Variants in C2orf15 observed in about 807,000 individuals in gnomAD.
C2orf15 encodes the protein uncharacterized protein C2orf15.
In C2orf15, 3 loss-of-function variants were observed where a neutral mutation model predicts 4.4. That is an observed-to-expected ratio of 0.67 (90% CI 0.31 to 1.74). C2orf15 has a LOEUF of 1.74. C2orf15 is among the 40% of genes most tolerant of loss of function. C2orf15 has a pLI of 0.09. For synonymous variants in C2orf15, 37 were observed against 36.8 expected (o/e 1.00, Z -0.02); for missense variants, 90 against 103.3 (o/e 0.87, Z 0.56).
chr2:99,144,891 G>A (rs1192276943), intron 2 of C2orf15, among the ~76,000 whole-genome samples: 1 of 152,194 alleles, frequency 6.6e-6, no homozygotes, highest in East Asian at 1.9e-4. Context: ...ACAGCAATGG[G>A]GTGATAGGTC....
At chr2:99,143,785 T>C (rs1244873859) in intron 2 of C2orf15, among the ~76,000 whole-genome samples, 1 of 152,160 alleles carries the variant, frequency 6.6e-6, no homozygotes, top group African/African-American at 2.4e-5. Flanking sequence ...CTAAGCCTTA[T>C]ATAGTACCCT....
In C2orf15 at chr2:99,151,370, G is replaced by A. The variant is rs2931530; in HGVS notation, c.*536G>A. 2.0e-5 allele frequency: 3 copies of A among 149,416 alleles called. No homozygotes were observed. Among genetic ancestry groups the A allele is most frequent in the African/African-American group, 4.9e-5 (2 of 40,450 alleles). 9.3% of individuals were successfully genotyped at this position (149,416 alleles called of 1,614,324 possible). ...CCCAGCTACCTGGGAGGCTGAGGAA[G>A]GAGAATCGCTTGAACCCTGGAGGCG... On this transcript the variant is annotated 3_prime_UTR_variant, in exon 4 of 4. Transcript: ENST00000650052.
chr2:99,148,881 C>T (rs1206106907), intron 3 of C2orf15, among the ~76,000 whole-genome samples: 2 of 151,064 alleles, frequency 1.3e-5, no homozygotes, highest in Non-Finnish European at 2.9e-5. Context: ...GATGTTTGCA[C>T]AAAAATGTAA....
intron 3 of C2orf15, among the ~76,000 whole-genome samples, chr2:99,148,793 A>G (rs527454544): frequency 6.6e-6 from 1 of 152,196 alleles, no homozygotes; most frequent in African/African-American, 2.4e-5. Context: ...CAACATGGGG[A>G]AACCCCGTCT....
At chr2:99,148,127 A>G (rs904216708) in intron 3 of C2orf15, 1 of 152,136 alleles carries the variant, frequency 6.6e-6, no homozygotes, top group Non-Finnish European at 1.5e-5. Flanking sequence ...CTTTCATAAC[A>G]TTGACATTTT....
chr2:99,142,969 T>C (rs1336753680), intron 2 of C2orf15, among the ~76,000 whole-genome samples: 1 of 152,020 alleles, frequency 6.6e-6, no homozygotes, highest in Non-Finnish European at 1.5e-5. Context: ...TTGGAAAGAA[T>C]ATAAGGAAAT....
At chr2:99,149,373 C>G (rs1223306076) in intron 3 of C2orf15, among the ~76,000 whole-genome samples, 2 of 151,880 alleles carry the variant, frequency 1.3e-5, no homozygotes, top group Non-Finnish European at 2.9e-5. Flanking sequence ...TCTTTGAAAG[C>G]GAAACCCTAA....
At position 99,142,293 on chromosome 2, in the gene C2orf15, GACACTAGGTTTTT is replaced by G. The variant is rs2093575327; in HGVS notation, c.-273_-261del. On this transcript the variant is annotated 5_prime_UTR_variant, in exon 2 of 4. Coordinates refer to ENST00000650052, the MANE Select transcript of C2orf15 (RefSeq NM_144706.4). ...ATCTCCTTTTCCTGCAGATGACATA[GACACTAGGTTTTT>G]ACAGCAATTCTCTGATGACCTTGAT... The G allele has an allele frequency of 6.6e-6, 1 of 152,182 alleles. No individual in the cohort carries two copies. The highest frequency in any genetic ancestry group is 2.4e-5 in the African/African-American group (1 of 41,436). 9.4% of individuals were successfully genotyped at this position (152,182 alleles called of 1,614,324 possible). A position where few individuals can be genotyped will look rare whatever the true frequency, so the allele number is the denominator to read the frequency against.
intron 3 of C2orf15, among the ~76,000 whole-genome samples, chr2:99,150,177 T>G (rs995428412): frequency 2.0e-5 from 3 of 152,206 alleles, no homozygotes; most frequent in Non-Finnish European, 4.4e-5. Flanking sequence ...CGTTATTTCT[T>G]TAGCCCATTA....
At position 99,150,479 on chromosome 2, in the gene C2orf15, TCAGTAATCAAG is replaced by T; in HGVS notation, c.-76-3_-69del. ...TCACTTGTTACTTTTTTTTTTTTTTTCAGTAATCAAGTTGAAGAAACACTTCCACTACTTAA... is the reference window on the plus strand; with the variant it reads ...TCACTTGTTACTTTTTTTTTTTTTTTTTGAAGAAACACTTCCACTACTTAA... On this transcript the variant is annotated splice_acceptor_variant and splice_polypyrimidine_tract_variant and 5_prime_UTR_variant and intron_variant, in exon 4 of 4. Transcript: ENST00000650052. LOFTEE classifies it low-confidence loss of function (5UTR_SPLICE). The T allele has an allele frequency of 6.8e-7, 1 of 1,463,162 alleles. No homozygotes were observed. The highest frequency in any genetic ancestry group is 9.2e-7 in the Non-Finnish European group (1 of 1,083,538). The allele number at this position is 1,463,162 out of a possible 1,614,324, so 90.6% of individuals were successfully genotyped here. A position where few individuals can be genotyped will look rare whatever the true frequency, so the allele number is the denominator to read the frequency against.
intron 2 of C2orf15, among the ~76,000 whole-genome samples, chr2:99,145,507 T>C (rs1446490572): frequency 6.6e-6 from 1 of 150,884 alleles, no homozygotes; most frequent in East Asian, 1.9e-4. Context: ...GCAGTCACCC[T>C]AGATCACACC....
Position 99,141,944 on chromosome 2 carries a change from G to T in C2orf15, c.-286+7G>T, listed in dbSNP as rs760377655. 6.6e-6 allele frequency: 1 copy of T among 152,466 alleles called. No homozygotes were observed. 9.4% of individuals were successfully genotyped at this position (152,466 alleles called of 1,614,324 possible). ...AGCGAGCCGGCCTGTCCCGGTGAGC[G>T]TGGGCAGCCTGGAGTCAGGGGAGCC... On this transcript the variant is annotated splice_region_variant and intron_variant, in intron 1 of 3. Transcript: ENST00000650052.
In C2orf15 at chr2:99,141,956, G is replaced by C. The variant is rs1421963025; in HGVS notation, c.-286+19G>C. On this transcript the variant is annotated intron_variant, in intron 1 of 3. Transcript: ENST00000650052. ...TGTCCCGGTGAGCGTGGGCAGCCTG[G>C]AGTCAGGGGAGCCTGGGGACCACGG... 1 of 152,484 alleles carries C rather than the reference G, an allele frequency of 6.6e-6. No homozygotes were observed. Among genetic ancestry groups the C allele is most frequent in the Non-Finnish European group, 1.5e-5 (1 of 68,230 alleles). The allele number at this position is 152,484 out of a possible 1,614,324, so 9.4% of individuals were successfully genotyped here.
In C2orf15 at chr2:99,147,290, T is replaced by C. The variant is rs985497111; in HGVS notation, c.-168-112T>C. On this transcript the variant is annotated intron_variant, in intron 2 of 3. Coordinates refer to ENST00000650052, the MANE Select transcript of C2orf15 (RefSeq NM_144706.4). The stretch of plus-strand genomic sequence containing the variant: ...TGCTGGAATTACAGGCGTGAGCCAT[T>C]GTGCCCAGCCGCGTAGCCTATCTTA... 11 of 558,780 alleles carry C rather than the reference T, an allele frequency of 2.0e-5. No homozygotes were observed. In the African/African-American group the frequency reaches 2.1e-4, roughly 11 times the overall value. The allele number at this position is 558,780 out of a possible 1,614,324, so 34.6% of individuals were successfully genotyped here. A position where few individuals can be genotyped will look rare whatever the true frequency, so the allele number is the denominator to read the frequency against.
chr2:99,144,678 G>C (rs916538287), intron 2 of C2orf15, among the ~76,000 whole-genome samples: 1 of 78,808 alleles, frequency 1.3e-5, no homozygotes, highest in Non-Finnish European at 3.2e-5. Flanking sequence ...AAAAGATGCT[G>C]AAAGCATGAG....
At position 99,147,388 on chromosome 2, in the gene C2orf15, C is replaced by A. The variant is rs374179222; in HGVS notation, c.-168-14C>A. The A allele has an allele frequency of 2.5e-5, 32 of 1,302,034 alleles. No individual in the cohort carries two copies. In the African/African-American group the frequency reaches 4.2e-4, roughly 17 times the overall value. 80.7% of individuals were successfully genotyped at this position (1,302,034 alleles called of 1,614,324 possible). The stretch of plus-strand genomic sequence containing the variant: ...ATCTCTTTATGTACCTTTATTCTTA[C>A]ATATATATTCCAGATTTCTTCTTGA... On this transcript the variant is annotated splice_polypyrimidine_tract_variant and intron_variant, in intron 2 of 3. Coordinates refer to ENST00000650052, the MANE Select transcript of C2orf15 (RefSeq NM_144706.4).
chr2:99,149,784 T>TC lies in C2orf15; in HGVS notation c.-76-698dup, dbSNP rs201675706. Among the ~76,000 whole-genome samples the TC allele has an allele frequency of 2.7e-3, 221 of 80,896 alleles. 39 individuals carry two copies. Among genetic ancestry groups the TC allele is most frequent in the Non-Finnish European group, 4.3e-3 (150 of 34,740 alleles). The allele number at this position is 80,896 out of a possible 152,430, so 53.1% of individuals were successfully genotyped here. On this transcript the variant is annotated intron_variant, in intron 3 of 3. Coordinates refer to ENST00000650052, the MANE Select transcript of C2orf15 (RefSeq NM_144706.4). The stretch of plus-strand genomic sequence containing the variant: ...GACTAGACATCCTTAATCACAAGTA[T>TC]CTTTTTTTTTTTTTTTTTTTTTTTT...
chr2:99,146,600 C>T (rs2093634514), intron 2 of C2orf15, among the ~76,000 whole-genome samples: 1 of 152,100 alleles, frequency 6.6e-6, no homozygotes, highest in Non-Finnish European at 1.5e-5. Flanking sequence ...TTCTGCCATT[C>T]ACATTTAGGT....
intron 2 of C2orf15, among the ~76,000 whole-genome samples, chr2:99,145,136 A>G (rs1055077360): frequency 3.9e-5 from 6 of 152,250 alleles, no homozygotes; most frequent in Admixed American, 1.3e-4. Context: ...TTGCCTTTCC[A>G]GCTTCTACTG....
Sources: gnomAD v4.1 joint callset for allele counts (sites outside exome capture counted in the v4.1 genomes callset) on GRCh38, gnomAD v4.1.1 for gene constraint, MANE v1.5 for transcripts, NCBI Gene and HGNC (gene_info 2026-07-23, HGNC 2026-07-21) for gene names.